SKIC3: variants seen among roughly 807,000 people sequenced by gnomAD.
SKIC3 encodes superkiller complex protein 3.
chr5:95,498,754 T>C, the SKIC3 span, among the ~76,000 whole-genome samples: 1 of 151,846 alleles, frequency 6.6e-6, no homozygotes, highest in Non-Finnish European at 1.5e-5. Context: ...GCCTCCCGAG[T>C]AGCTGGGACT....
chr5:95,487,533 C>T, the SKIC3 span, among the ~76,000 whole-genome samples: 3 of 152,186 alleles, frequency 2.0e-5, no homozygotes, highest in African/African-American at 4.8e-5. Context: ...ACCATAACTT[C>T]ACCAAGCCTC....
the SKIC3 span, among the ~76,000 whole-genome samples, chr5:95,540,202 T>C: frequency 6.6e-6 from 1 of 152,102 alleles, no homozygotes; most frequent in African/African-American, 2.4e-5. Flanking sequence ...AAACCAAACA[T>C]CGTATGTTCT....
the SKIC3 span, chr5:95,536,636 C>A: frequency 1.7e-6 from 1 of 591,810 alleles, no homozygotes; most frequent in Non-Finnish European, 3.0e-6. Flanking sequence ...TATTACTGTA[C>A]TTTCCTATAT....
the SKIC3 span, among the ~76,000 whole-genome samples, chr5:95,469,156 T>C: frequency 2.0e-5 from 3 of 152,206 alleles, no homozygotes; most frequent in African/African-American, 4.8e-5. Context: ...GTAGTATATA[T>C]TAGAACTAGA....
chr5:95,542,505 T>A, the SKIC3 span, among the ~76,000 whole-genome samples: 1,367 of 152,128 alleles, frequency 9.0e-3, 19 homozygotes, highest in African/African-American at 0.03. Flanking sequence ...CAAAAAAAAA[T>A]CAAGTAGTCT....
the SKIC3 span, chr5:95,543,405 T>A: frequency 1.3e-6 from 2 of 1,507,738 alleles, no homozygotes; most frequent in Non-Finnish European, 9.2e-7. Flanking sequence ...AAGTCTAGCA[T>A]GAGTCAGGAA....
chr5:95,498,638 T>A, the SKIC3 span: 7 of 1,551,236 alleles, frequency 4.5e-6, no homozygotes, highest in East Asian at 1.7e-4. Context: ...TTTTTTTTTT[T>A]TTTTTGAGAC....
chr5:95,509,520 G>A, the SKIC3 span: 1 of 1,146,716 alleles, frequency 8.7e-7, no homozygotes, highest in Non-Finnish European at 1.3e-6. Flanking sequence ...CCAACGCACA[G>A]GCCAGTCAGA....
At chr5:95,507,014 TA>T in the SKIC3 span, 21,373 of 1,121,370 alleles carry the variant, frequency 0.019, no homozygotes, top group South Asian at 0.021. Flanking sequence ...AAATTGCCCT[TA>T]AAAAAAAAAA....
chr5:95,479,866 A>C, the SKIC3 span, among the ~76,000 whole-genome samples: 2 of 152,126 alleles, frequency 1.3e-5, no homozygotes, highest in African/African-American at 4.8e-5. Flanking sequence ...ATGTTACCAC[A>C]TATTAAGACT....
chr5:95,532,192 A>C, the SKIC3 span, among the ~76,000 whole-genome samples: 1 of 152,280 alleles, frequency 6.6e-6, no homozygotes, highest in East Asian at 1.9e-4. Context: ...TCCAGTGAAC[A>C]TCCATATTTA....
At chr5:95,471,541 CT>C in the SKIC3 span, among the ~76,000 whole-genome samples, 36,684 of 149,870 alleles carry the variant, frequency 0.24, 5,824 homozygotes, top group African/African-American at 0.45. Context: ...AGAATGTCCT[CT>C]TTTTTTTTTC....
At chr5:95,533,822 AT>A in the SKIC3 span, among the ~76,000 whole-genome samples, 1 of 152,290 alleles carries the variant, frequency 6.6e-6, no homozygotes, top group Admixed American at 6.5e-5. Flanking sequence ...TCTGTAGACT[AT>A]TGTTGATCCT....
chr5:95,481,294 T>A, the SKIC3 span, among the ~76,000 whole-genome samples: 1 of 152,130 alleles, frequency 6.6e-6, no homozygotes, highest in African/African-American at 2.4e-5. Context: ...GTTCTCATGA[T>A]AGCGAATAAG....
the SKIC3 span, chr5:95,502,923 T>C: frequency 1.2e-6 from 2 of 1,614,096 alleles, no homozygotes; most frequent in Non-Finnish European, 1.7e-6. Flanking sequence ...TTTCCTTGTT[T>C]ATATTCAGTT....
At chr5:95,517,251 G>GCATA in the SKIC3 span, 1 of 1,613,348 alleles carries the variant, frequency 6.2e-7, no homozygotes, top group Non-Finnish European at 8.5e-7. Context: ...TGGTGCGACA[G>GCATA]CATACAGACA....
the SKIC3 span, among the ~76,000 whole-genome samples, chr5:95,479,326 A>T: frequency 2.6e-5 from 4 of 152,208 alleles, no homozygotes; most frequent in African/African-American, 9.6e-5. Context: ...ACTAAATTAA[A>T]TAGAGGAATA....
the SKIC3 span, among the ~76,000 whole-genome samples, chr5:95,473,982 A>G: frequency 2.0e-5 from 3 of 152,344 alleles, no homozygotes; most frequent in East Asian, 5.8e-4. Flanking sequence ...ATTCTTTGCC[A>G]AGGCCGACGT....
At chr5:95,524,513 A>G in the SKIC3 span, 1 of 1,613,698 alleles carries the variant, frequency 6.2e-7, no homozygotes, top group Non-Finnish European at 8.5e-7. Context: ...TTGTCTCTTC[A>G]CCCATGAACC....
Sources: gnomAD v4.1 joint callset for allele counts (sites outside exome capture counted in the v4.1 genomes callset) on GRCh38, gnomAD v4.1.1 for gene constraint, MANE v1.5 for transcripts, NCBI Gene and HGNC (gene_info 2026-07-23, HGNC 2026-07-21) for gene names.